The following ZHX3 variants were observed in gnomAD, a reference collection of about 807,000 sequenced individuals.
The protein encoded by ZHX3 is zinc fingers and homeoboxes protein 3.
In ZHX3, 20 loss-of-function variants were observed where a neutral mutation model predicts 64.5. That is an observed-to-expected ratio of 0.31 (90% CI 0.22 to 0.45). ZHX3 has a LOEUF of 0.45. Ranked by LOEUF, ZHX3 falls within the 20% of genes least tolerant of loss-of-function variation. The probability of loss-of-function intolerance (pLI) is 1.00; values close to 1 mark genes in which losing one functional copy is unlikely to be tolerated. For synonymous variants in ZHX3, 423 were observed against 461.6 expected, an observed-to-expected ratio of 0.92 and a Z score of 1.07; for missense variants, 1,041 against 1,195.8, an observed-to-expected ratio of 0.87 and a Z score of 1.91.
chr20:41,269,433 A>C (rs544762355), intron 1 of ZHX3: 5 of 152,278 alleles, frequency 3.3e-5, no homozygotes, highest in African/African-American at 1.2e-4. Context: ...TTGTAACTTC[A>C]AGGATGTGCT....
chr20:41,235,820 G>C (rs1219764180), intron 2 of ZHX3, among the ~76,000 whole-genome samples: 1 of 152,148 alleles, frequency 6.6e-6, no homozygotes. Flanking sequence ...AGGAAAAGAG[G>C]AAGTCAAATT....
chr20:41,189,811 C>G (rs1180182442), intron 3 of ZHX3, among the ~76,000 whole-genome samples: 1 of 152,060 alleles, frequency 6.6e-6, no homozygotes, highest in South Asian at 2.1e-4. Flanking sequence ...AATTTGGATG[C>G]CTTTTCTTTC....
At chr20:41,313,584 C>A in intron 1 of ZHX3, among the ~76,000 whole-genome samples, 1 of 143,764 alleles carries the variant, frequency 7.0e-6, no homozygotes. Flanking sequence ...TTAACACATA[C>A]TTTTAGGCCT....
intron 1 of ZHX3, among the ~76,000 whole-genome samples, chr20:41,301,248 A>C (rs1209728528): frequency 2.0e-5 from 3 of 151,132 alleles, no homozygotes. Flanking sequence ...CACCGACTAC[A>C]CTCAATTTAT....
intron 2 of ZHX3, among the ~76,000 whole-genome samples, chr20:41,237,208 T>C (rs969538891): frequency 6.6e-6 from 1 of 152,352 alleles, no homozygotes; most frequent in Admixed American, 6.5e-5. Flanking sequence ...AGTGTGGCGA[T>C]TCCTCAGGGA....
At chr20:41,198,808 ATATGAG>A (rs1340714092) in intron 3 of ZHX3, among the ~76,000 whole-genome samples, 8 of 152,176 alleles carry the variant, frequency 5.3e-5, no homozygotes, top group East Asian at 1.9e-4. Flanking sequence ...TGCGATTCCT[ATATGAG>A]TATATGAGTA....
intron 1 of ZHX3, chr20:41,271,967 T>C (rs1253424538): frequency 2.6e-5 from 4 of 152,142 alleles, no homozygotes; most frequent in Non-Finnish European, 4.4e-5. Context: ...CATAAGTATG[T>C]CTTAGATTCT....
intron 3 of ZHX3, among the ~76,000 whole-genome samples, chr20:41,199,257 T>C (rs1287400961): frequency 2.0e-5 from 3 of 152,116 alleles, no homozygotes; most frequent in African/African-American, 7.2e-5. Flanking sequence ...TGCCTGTCAA[T>C]TTTTTTTCCT....
intron 1 of ZHX3, among the ~76,000 whole-genome samples, chr20:41,298,239 TG>T (rs1221455011): frequency 2.0e-5 from 3 of 152,218 alleles, no homozygotes; most frequent in Admixed American, 6.5e-5. Context: ...ATGTGAAACA[TG>T]GAGCATGCCC....
At chr20:41,191,411 T>C (rs1008455688) in intron 3 of ZHX3, among the ~76,000 whole-genome samples, 4 of 152,210 alleles carry the variant, frequency 2.6e-5, no homozygotes, top group African/African-American at 9.6e-5. Context: ...ATCATTCATT[T>C]CCCAAATTGT....
In ZHX3 at chr20:41,256,702, C is replaced by T. The variant is rs535075510; in HGVS notation, c.-151+12288G>A. Among the ~76,000 whole-genome samples, 52 of 151,044 alleles carry T rather than the reference C, an allele frequency of 3.4e-4. 1 individual carries two copies. The highest frequency in any genetic ancestry group is 6.0e-4 in the Non-Finnish European group (41 of 67,790). On this transcript the variant is annotated intron_variant, in intron 2 of 3. Transcript: ENST00000683867. ...CAGGCCAATATGGCATTTCCCTTCA[C>T]GGACAGAGCCAGGTGTACTCAGAGT... is the stretch of plus-strand genomic sequence containing the variant.
At chr20:41,316,982 C>T (rs1254845766) in intron 1 of ZHX3, 1 of 152,474 alleles carries the variant, frequency 6.6e-6, no homozygotes, top group Non-Finnish European at 1.5e-5. Flanking sequence ...GGCTCTGCCG[C>T]CTTCACTGGT....
In ZHX3 at chr20:41,201,404, T is replaced by C. The variant is rs1385498782; in HGVS notation, c.2860+653A>G. On this transcript the variant is annotated intron_variant, in intron 3 of 3. Transcript: ENST00000683867. This position sits in a 1 kb window ranked among gnomAD's most constrained non-coding sequence, Gnocchi z 5.0. ...AGGAACCTAGAAAATCAACACGTAATAACATGACTTGTCTGTGGCTTCAAA... is the reference window on the plus strand; with the variant it reads ...AGGAACCTAGAAAATCAACACGTAACAACATGACTTGTCTGTGGCTTCAAA... 3.1e-6 allele frequency: 4 copies of C among 1,293,902 alleles called. No homozygotes were observed. In the South Asian group the frequency reaches 5.0e-5, roughly 16 times the overall value. The allele number at this position is 1,293,902 out of a possible 1,614,324, so 80.2% of individuals were successfully genotyped here.
In ZHX3 at chr20:41,201,167, A is replaced by C. The variant is rs1196115951; in HGVS notation, c.2860+890T>G. On this transcript the variant is annotated intron_variant, in intron 3 of 3. Transcript: ENST00000683867. This position sits in a 1 kb window ranked among gnomAD's most constrained non-coding sequence, Gnocchi z 5.0. ...CACCACGGAACCATCACATTGCCCA[A>C]CACCACAAATAGTGTCTCCTGTACC... 1 of 646,310 alleles carries C rather than the reference A, an allele frequency of 1.5e-6. No individual in the cohort carries two copies. Among genetic ancestry groups the C allele is most frequent in the Non-Finnish European group, 2.2e-6 (1 of 449,898 alleles). 40.0% of individuals were successfully genotyped at this position (646,310 alleles called of 1,614,324 possible).
intron 2 of ZHX3, among the ~76,000 whole-genome samples, chr20:41,208,014 C>A (rs941611706): frequency 1.3e-5 from 2 of 152,156 alleles, no homozygotes; most frequent in Non-Finnish European, 2.9e-5. Context: ...GGGGATATCA[C>A]CACCGATCCC....
rs2040721486 is a variant in ZHX3 at position 41,232,935 on chromosome 20, A to G, written c.-150-27869T>C. The stretch of plus-strand genomic sequence containing the variant: ...TTTTTCAAAATGTAAGCTCCAAACC[A>G]TGACAGAGTCAGGAGAAACTTACAC... On this transcript the variant is annotated intron_variant, in intron 2 of 3. Transcript: ENST00000683867. This position sits in a 1 kb window ranked among gnomAD's most constrained non-coding sequence, Gnocchi z 5.0. Among the ~76,000 whole-genome samples, 1 of 152,172 alleles carries G rather than the reference A, an allele frequency of 6.6e-6. No individual in the cohort carries two copies. Among genetic ancestry groups the G allele is most frequent in the African/African-American group, 2.4e-5 (1 of 41,440 alleles).
chr20:41,306,877 G>C (rs2044995466), intron 1 of ZHX3, among the ~76,000 whole-genome samples: 1 of 152,196 alleles, frequency 6.6e-6, no homozygotes. Context: ...TTGAATGGAG[G>C]GGTCAAGTGG....
intron 2 of ZHX3, among the ~76,000 whole-genome samples, chr20:41,206,237 C>T (rs2038701947): frequency 1.3e-5 from 2 of 152,190 alleles, no homozygotes; most frequent in Non-Finnish European, 2.9e-5. Flanking sequence ...AATCAGAGTG[C>T]CTCTTCTCCT....
chr20:41,199,862 G>A (rs1319866267), intron 3 of ZHX3, among the ~76,000 whole-genome samples: 4 of 152,046 alleles, frequency 2.6e-5, no homozygotes, highest in Non-Finnish European at 1.5e-5. Flanking sequence ...CAACATGCCT[G>A]GCTAATTTTT....
Sources: gnomAD v4.1 joint callset for allele counts (sites outside exome capture counted in the v4.1 genomes callset) on GRCh38, gnomAD v4.1.1 for gene constraint, Gnocchi (gnomAD v3.1) non-coding constraint, MANE v1.5 for transcripts, NCBI Gene and HGNC (gene_info 2026-07-23, HGNC 2026-07-21) for gene names.